SCN9A: variants seen among roughly 807,000 people sequenced by gnomAD.
SCN9A encodes sodium voltage-gated channel alpha subunit 9, also known as sodium channel protein type 9 subunit alpha.
A neutral mutation model predicts 187.0 loss-of-function variants in SCN9A; 131 were observed. The ratio of observed to expected loss-of-function variants is 0.70; its 90% confidence interval spans 0.61 to 0.81. SCN9A has a LOEUF of 0.81. SCN9A is among the 30% of genes least tolerant of loss of function. The probability of loss-of-function intolerance (pLI) is 0.00; values close to 1 mark genes in which losing one functional copy is unlikely to be tolerated. For missense variants in SCN9A, 2,252 were observed against 2,396.6 expected (o/e 0.94, Z 1.26); for synonymous variants, 809 against 808.6 (o/e 1.00, Z -0.01).
At chr2:166,323,598 G>A (rs981468021) in intron 1 of SCN9A, among the ~76,000 whole-genome samples, 6 of 152,024 alleles carry the variant, frequency 3.9e-5, no homozygotes, top group African/African-American at 1.2e-4. Flanking sequence ...ATATTAGACT[G>A]GAAAAGGTCT....
chr2:166,283,134 A>C (rs552574320), intron 12 of SCN9A, among the ~76,000 whole-genome samples: 8 of 152,210 alleles, frequency 5.3e-5, no homozygotes, highest in Non-Finnish European at 1.2e-4. Flanking sequence ...TTCATTAAAA[A>C]TATGAAATAA....
At chr2:166,252,768 C>A (rs1279865666) in intron 17 of SCN9A, among the ~76,000 whole-genome samples, 1 of 151,890 alleles carries the variant, frequency 6.6e-6, no homozygotes, top group Non-Finnish European at 1.5e-5. Context: ...GATGTTTACA[C>A]ATACACACAC....
chr2:166,368,994 A>G (rs1432891160), intron 1 of SCN9A, among the ~76,000 whole-genome samples: 3 of 152,098 alleles, frequency 2.0e-5, no homozygotes, highest in Non-Finnish European at 4.4e-5. Context: ...TCTCAAAAAA[A>G]AAAAAAAGAA....
In SCN9A at chr2:166,269,509, C is replaced by A. The variant is rs1696885773; in HGVS notation, c.3351+2890G>T. Among the ~76,000 whole-genome samples, 4 of 152,036 alleles carry A rather than the reference C, an allele frequency of 2.6e-5. No homozygotes were observed. In the South Asian group the frequency reaches 8.3e-4, roughly 31 times the overall value. On this transcript the variant is annotated intron_variant, in intron 17 of 26. Transcript: ENST00000642356. ...TGAGCTATAAGTCACAAGCCTAGGA[C>A]TCTTGACATGGCTCTGCCTTTATAA... is the stretch of plus-strand genomic sequence containing the variant.
chr2:166,305,631 A>G (rs940054853), intron 5 of SCN9A, among the ~76,000 whole-genome samples, 161 bp downstream of exon 5: 13 of 152,002 alleles, frequency 8.6e-5, no homozygotes, highest in Admixed American at 3.3e-4. Context: ...AAAATTTAGT[A>G]TTTGCCTATC....
chr2:166,234,567 C>T (rs1695230968), intron 20 of SCN9A, among the ~76,000 whole-genome samples: 1 of 151,946 alleles, frequency 6.6e-6, no homozygotes, highest in Non-Finnish European at 1.5e-5. Flanking sequence ...TGCTCATCCT[C>T]ATGTAGTATT....
intron 1 of SCN9A, among the ~76,000 whole-genome samples, chr2:166,368,229 C>A (rs939792753): frequency 2.0e-5 from 3 of 152,234 alleles, no homozygotes; most frequent in Non-Finnish European, 4.4e-5. Context: ...AATCCCTTAA[C>A]AAACTGCTCA....
intron 9 of SCN9A, among the ~76,000 whole-genome samples, chr2:166,291,186 TC>T (rs759763508): frequency 2.6e-5 from 4 of 152,134 alleles, no homozygotes; most frequent in Non-Finnish European, 5.9e-5. Context: ...CCCGATCATC[TC>T]AGCCCCAAAA....
chr2:166,233,523 G>A, intron 20 of SCN9A, 61 bp from the exon 21 acceptor site: 1 of 1,423,658 alleles, frequency 7.0e-7, no homozygotes, highest in East Asian at 2.6e-5. Context: ...AAAGGAAAAA[G>A]TCAATTCTGA....
Position 166,196,318 on chromosome 2 carries a change from T to C in SCN9A, c.*2354A>G, listed in dbSNP as rs1693246302. On this transcript the variant is annotated 3_prime_UTR_variant, in exon 27 of 27. Coordinates refer to ENST00000642356, the MANE Select transcript of SCN9A (RefSeq NM_001365536.1). ...ATAAAAAGTCACAAGTAGACATTCC[T>C]GAAACAAACGTAAATATATATAAAA... The C allele has an allele frequency of 6.6e-6, 1 of 151,980 alleles. No homozygotes were observed. 9.4% of individuals were successfully genotyped at this position (151,980 alleles called of 1,614,324 possible).
chr2:166,229,816 G>A (rs1695004223), intron 21 of SCN9A, among the ~76,000 whole-genome samples: 2 of 151,994 alleles, frequency 1.3e-5, no homozygotes, highest in Non-Finnish European at 2.9e-5. Flanking sequence ...TTCATCCAGG[G>A]CAATTCCTGT....
At chr2:166,279,736 C>G (rs1472376145) in intron 14 of SCN9A, among the ~76,000 whole-genome samples, 2 of 151,826 alleles carry the variant, frequency 1.3e-5, no homozygotes, top group African/African-American at 4.8e-5. Flanking sequence ...TACTATATGC[C>G]AGGCTAATAA....
intron 8 of SCN9A, among the ~76,000 whole-genome samples, chr2:166,294,393 G>A (rs993709042): frequency 2.0e-5 from 3 of 152,122 alleles, no homozygotes; most frequent in Non-Finnish European, 4.4e-5. Context: ...GTTAATTCGA[G>A]CACTGTCTCA....
intron 1 of SCN9A, among the ~76,000 whole-genome samples, chr2:166,371,207 AGTT>A (rs1329347427): frequency 6.6e-6 from 1 of 152,202 alleles, no homozygotes; most frequent in Admixed American, 6.5e-5. Flanking sequence ...GCTTACAGTA[AGTT>A]GTTATTTTAA....
Position 166,227,723 on chromosome 2 carries a change from C to T in SCN9A, c.4207G>A (p.Ala1403Thr), listed in dbSNP as rs1178380407. Residue 1403 changes from alanine to threonine, a missense_variant and splice_region_variant, in exon 23 of 27, where the codon GCA becomes ACA. By Grantham distance (58) the Ala-to-Thr change is moderately conservative. Coordinates refer to ENST00000642356, the MANE Select transcript of SCN9A (RefSeq NM_001365536.1). ...ATAATCGTCCATCCCTTAAAAGTTG[C>T]CTTTAAGAATAACATTAATAGAATT... ...GLGYLSLLQV[A>T]TFKGWTIIMY... 2 of 1,470,940 alleles carry T rather than the reference C, an allele frequency of 1.4e-6. No individual in the cohort carries two copies. Among genetic ancestry groups the T allele is most frequent in the Admixed American group, 1.9e-5 (1 of 51,336 alleles). 91.1% of individuals were successfully genotyped at this position (1,470,940 alleles called of 1,614,324 possible).
intron 26 of SCN9A, among the ~76,000 whole-genome samples, chr2:166,202,292 G>T (rs1693577835): frequency 6.6e-6 from 1 of 150,846 alleles, no homozygotes; most frequent in Non-Finnish European, 1.5e-5. Context: ...TTTCCTACTA[G>T]AATCTTTTTT....
At chr2:166,311,264 A>T (rs2106533923) in intron 2 of SCN9A, among the ~76,000 whole-genome samples, 1 of 141,038 alleles carries the variant, frequency 7.1e-6, no homozygotes, top group South Asian at 2.3e-4. Context: ...AAAAAATTAA[A>T]AGTAGTATGC....
At chr2:166,295,112 A>C (rs540348969) in intron 7 of SCN9A, among the ~76,000 whole-genome samples, 8 of 152,330 alleles carry the variant, frequency 5.3e-5, no homozygotes, top group East Asian at 1.9e-4. Context: ...CAGCCATGAA[A>C]ATACTGGTGA....
chr2:166,333,560 A>G (rs1334656718), intron 1 of SCN9A, among the ~76,000 whole-genome samples: 1 of 152,142 alleles, frequency 6.6e-6, no homozygotes, highest in Non-Finnish European at 1.5e-5. Context: ...GGACTTCTGA[A>G]CATGTATTGA....
Sources: gnomAD v4.1 joint callset for allele counts (sites outside exome capture counted in the v4.1 genomes callset) on GRCh38, gnomAD v4.1.1 for gene constraint, MANE v1.5 for transcripts, NCBI Gene and HGNC (gene_info 2026-07-23, HGNC 2026-07-21) for gene names.